The following TTLL6 variants were observed in gnomAD, a reference collection of about 807,000 sequenced individuals.
TTLL6 encodes the protein tubulin tyrosine ligase like 6.
A neutral mutation model predicts 96.4 loss-of-function variants in TTLL6; 75 were observed. That is an observed-to-expected ratio of 0.78 (90% confidence interval 0.65 to 0.94). The LOEUF is 0.94. Ranked by LOEUF, TTLL6 falls within the 40% of genes least tolerant of loss-of-function variation. The pLI, the probability that TTLL6 is intolerant of heterozygous loss-of-function variation, is 0.00. For missense variants in TTLL6, 1,030 were observed against 1,093.0 expected (o/e 0.94, Z 0.81); for synonymous variants, 411 against 419.4 (o/e 0.98, Z 0.24).
At chr17:48,815,374 A>G (rs2039654363) in intron 1 of TTLL6, 1 of 152,196 alleles carries the variant, frequency 6.6e-6, no homozygotes, top group Non-Finnish European at 1.5e-5. Flanking sequence ...TACTGGAAGC[A>G]TCCCTCTGAA....
intron 13 of TTLL6, among the ~76,000 whole-genome samples, chr17:48,780,963 C>G (rs1228414582): frequency 1.3e-5 from 2 of 151,898 alleles, no homozygotes; most frequent in East Asian, 3.9e-4. Context: ...CATGGGTGTG[C>G]AAATATCTTT....
chr17:48,778,452 T>C (rs1195153975), intron 13 of TTLL6, among the ~76,000 whole-genome samples: 1 of 151,814 alleles, frequency 6.6e-6, no homozygotes, highest in African/African-American at 2.4e-5. Context: ...TTCCAGAATA[T>C]ATAAATTAAG....
intron 1 of TTLL6, among the ~76,000 whole-genome samples, chr17:48,811,048 A>T (rs1162909469): frequency 2.1e-5 from 3 of 144,296 alleles, no homozygotes; most frequent in African/African-American, 7.6e-5. Flanking sequence ...AGTGACAGTT[A>T]TCCTTATATT....
chr17:48,772,601 C>G (rs940428634), intron 13 of TTLL6, among the ~76,000 whole-genome samples: 1 of 151,432 alleles, frequency 6.6e-6, no homozygotes, highest in South Asian at 2.1e-4. Flanking sequence ...TGTGGTGGCA[C>G]GCGCCTGTAG....
At chr17:48,797,270 TC>T in intron 6 of TTLL6, 66 bp from the exon 7 acceptor site, 1 of 1,478,020 alleles carries the variant, frequency 6.8e-7, no homozygotes, top group Non-Finnish European at 9.1e-7. Flanking sequence ...AATCACTAGC[TC>T]CCGCCTTGTT....
rs968283975 is a variant in TTLL6, at chr17:48,767,964, A to G, written c.*1025T>C. Among the ~76,000 whole-genome samples, 5 of 152,188 alleles carry G rather than the reference A, an allele frequency of 3.3e-5. No homozygotes were observed. In the East Asian group the frequency reaches 9.6e-4, roughly 29 times the overall value. On this transcript the variant is annotated intron_variant, in intron 15 of 15. Transcript: ENST00000393382. ...TGAAGGATGTGAAAATCAACCCATT[A>G]TGGTTGACATGGTTCTACTTCTGGG...
Position 48,787,194 on chromosome 17 carries a change from G to A in TTLL6, c.1589+617C>T, listed in dbSNP as rs1468793638. ...TCTCTTTCCACAAAATGAGCTGGTA[G>A]GAGAGGACTGGACTCAGTGGATGAG... On this transcript the variant is annotated intron_variant, in intron 11 of 15. Transcript: ENST00000393382. 2.0e-5 allele frequency among the ~76,000 whole-genome samples: 3 copies of A among 152,138 alleles called. No homozygotes were observed. The East Asian group carries it at 5.8e-4, about 29-fold the overall frequency.
intron 11 of TTLL6, among the ~76,000 whole-genome samples, chr17:48,787,587 G>T (rs2039126885): frequency 6.6e-6 from 1 of 152,154 alleles, no homozygotes; most frequent in East Asian, 1.9e-4. Context: ...GTAGAGATGG[G>T]GTTTCGCCAT....
chr17:48,769,315 G>T, intron 14 of TTLL6, 61 bp from the exon 15 acceptor site: 1 of 1,526,174 alleles, frequency 6.6e-7, no homozygotes, highest in Non-Finnish European at 8.8e-7. Flanking sequence ...ACAAATTCCT[G>T]GTGAAGACCA....
intron 15 of TTLL6, among the ~76,000 whole-genome samples, chr17:48,766,979 C>T (rs1217162382): frequency 1.3e-5 from 2 of 152,048 alleles, no homozygotes; most frequent in African/African-American, 2.4e-5. Context: ...GATGGAGTCT[C>T]GCTCTGTCTC....
chr17:48,808,356 A>G (rs1442973505), intron 1 of TTLL6, among the ~76,000 whole-genome samples: 3 of 151,400 alleles, frequency 2.0e-5, no homozygotes, highest in African/African-American at 7.3e-5. Flanking sequence ...TATGCAAATT[A>G]CATCGCTTCT....
In TTLL6 at chr17:48,785,030, G is replaced by C. The variant is rs74461472; in HGVS notation, c.1933C>G (p.Leu645Val). ...SAKPFSSLPD[L>V]RNINLSSSKL... ...GAGCTGCTGAGATTGATATTCCTCAGATCGGGTAGAGAACTGAAGGGCTTC... is the reference window on the plus strand; with the variant it reads ...GAGCTGCTGAGATTGATATTCCTCACATCGGGTAGAGAACTGAAGGGCTTC... Residue 645 changes from leucine (L) to valine (V), a missense_variant, in exon 13 of 16, where the codon CTG becomes GTG. Transcript: ENST00000393382. 6.2e-7 allele frequency: 1 copy of C among 1,614,080 alleles called. No individual in the cohort carries two copies. The highest frequency in any genetic ancestry group is 8.5e-7 in the Non-Finnish European group (1 of 1,180,028).
intron 13 of TTLL6, among the ~76,000 whole-genome samples, chr17:48,770,637 C>T (rs1267090346): frequency 6.6e-6 from 1 of 151,940 alleles, no homozygotes; most frequent in Non-Finnish European, 1.5e-5. Context: ...CCACCTCAGT[C>T]TCCCAAGTAG....
chr17:48,791,260 G>A, intron 9 of TTLL6, 118 bp downstream of exon 9: 1 of 840,894 alleles, frequency 1.2e-6, no homozygotes, highest in East Asian at 2.7e-5. Context: ...CAGGCACCAT[G>A]GGAGGAAGTG....
At chr17:48,766,611 C>A (rs1466281590) in intron 15 of TTLL6, among the ~76,000 whole-genome samples, 1 of 152,136 alleles carries the variant, frequency 6.6e-6, no homozygotes, top group East Asian at 1.9e-4. Context: ...TATCTGTAAT[C>A]CTAGCATTTT....
Position 48,787,953 on chromosome 17 carries a change from C to A in TTLL6, c.1447G>T (p.Glu483Ter). Residue 483 changes from glutamate to a stop codon, truncating the protein, a stop_gained, in exon 11 of 16, where the codon GAA becomes TAA. Transcript: ENST00000393382. LOFTEE classifies it high-confidence loss of function. Reference sequence around the variant, plus strand: ...CCACAGTTTTCCTTCTCATACGTTTCAGTTTTCTTTAACTGCACGGCCCGG... The same window carrying A: ...CCACAGTTTTCCTTCTCATACGTTTAAGTTTTCTTTAACTGCACGGCCCGG... ...GFRAVQLKKT[E>*]TYEKENCGGF... The A allele has an allele frequency of 6.2e-7, 1 of 1,614,144 alleles. No individual in the cohort carries two copies. Among genetic ancestry groups the A allele is most frequent in the Non-Finnish European group, 8.5e-7 (1 of 1,180,024 alleles).
At chr17:48,766,694 T>C (rs2038614431) in intron 15 of TTLL6, among the ~76,000 whole-genome samples, 1 of 152,160 alleles carries the variant, frequency 6.6e-6, no homozygotes, top group Non-Finnish European at 1.5e-5. Flanking sequence ...CAAAACCCTA[T>C]ATCTACTAGA....
chr17:48,798,952 C>G (rs572940203), intron 6 of TTLL6, among the ~76,000 whole-genome samples: 8 of 151,568 alleles, frequency 5.3e-5, no homozygotes, highest in Non-Finnish European at 1.2e-4. Context: ...GCCTCAGCCT[C>G]TAGAGTAGCT....
At chr17:48,816,203 G>A (rs912966863) in intron 1 of TTLL6, among the ~76,000 whole-genome samples, 19 of 152,104 alleles carry the variant, frequency 1.2e-4, no homozygotes, top group African/African-American at 1.9e-4. Flanking sequence ...AGCACTTTGG[G>A]AAGCCCAAGT....
Sources: gnomAD v4.1 joint callset for allele counts (sites outside exome capture counted in the v4.1 genomes callset) on GRCh38, gnomAD v4.1.1 for gene constraint, MANE v1.5 for transcripts, NCBI Gene and HGNC (gene_info 2026-07-23, HGNC 2026-07-21) for gene names.